The following SLC36A1 variants were observed in gnomAD, a reference collection of about 807,000 sequenced individuals.
The protein encoded by SLC36A1 is proton-coupled amino acid transporter 1.
A neutral mutation model predicts 47.5 loss-of-function variants in SLC36A1; 30 were observed. That is an observed-to-expected ratio of 0.63 (90% CI 0.47 to 0.86). SLC36A1 has a LOEUF of 0.86. SLC36A1 is among the 40% of genes least tolerant of loss of function. The pLI, the probability that SLC36A1 is intolerant of heterozygous loss-of-function variation, is 0.00. For synonymous variants in SLC36A1, 255 were observed against 249.7 expected (o/e 1.02, Z -0.20); for missense variants, 517 against 606.0 (o/e 0.85, Z 1.54).
chr5:151,522,109 T>G, the SLC36A1 span: 10 of 1,538,366 alleles, frequency 6.5e-6, no homozygotes, highest in African/African-American at 2.7e-5. Flanking sequence ...CAAACACTGC[T>G]GTCACCCAAC....
the SLC36A1 span, chr5:151,542,333 C>T: frequency 1.2e-6 from 2 of 1,613,410 alleles, no homozygotes; most frequent in Non-Finnish European, 1.7e-6. Flanking sequence ...ATGTCAGCAT[C>T]CAGGGTCTTT....
At chr5:151,542,980 A>T in the SLC36A1 span, 1 of 1,614,082 alleles carries the variant, frequency 6.2e-7, no homozygotes, top group African/African-American at 1.3e-5. Context: ...TTGAGCTGCC[A>T]CTGCTTTAAC....
rs1758130422 is a variant in SLC36A1, at chr5:151,476,864, C to T, written c.989+108C>T. ...TTATCTCTTAAACCAGCCCACTTCA[C>T]TCTAGCCCACCATCCCCTGCCACTG... On this transcript the variant is annotated intron_variant, in intron 9 of 10. Coordinates refer to ENST00000243389, the MANE Select transcript of SLC36A1 (RefSeq NM_078483.4). The T allele has an allele frequency of 3.7e-6, 5 of 1,354,750 alleles. No homozygotes were observed. The East Asian group carries it at 9.9e-5, about 27-fold the overall frequency. 83.9% of individuals were successfully genotyped at this position (1,354,750 alleles called of 1,614,324 possible).
chr5:151,545,643 C>T, the SLC36A1 span: 1 of 1,614,138 alleles, frequency 6.2e-7, no homozygotes, highest in Non-Finnish European at 8.5e-7. Context: ...TCTCATAATC[C>T]ATCTCTGATA....
chr5:151,373,309 G>C, the SLC36A1 span, among the ~76,000 whole-genome samples: 1 of 151,260 alleles, frequency 6.6e-6, no homozygotes, highest in Admixed American at 6.6e-5. Flanking sequence ...AGAGGATAAG[G>C]ACCAACACAA....
At chr5:151,448,460 CCT>C (rs950049582) in intron 1 of SLC36A1, among the ~76,000 whole-genome samples, 7 of 152,128 alleles carry the variant, frequency 4.6e-5, no homozygotes, top group African/African-American at 1.7e-4. Flanking sequence ...GGTGTGGTTC[CCT>C]GTTTGTTCAT....
intron 3 of SLC36A1, among the ~76,000 whole-genome samples, chr5:151,463,948 G>A (rs1755965051): frequency 6.6e-6 from 1 of 152,152 alleles, no homozygotes; most frequent in South Asian, 2.1e-4. Context: ...TCAATAATAT[G>A]AACTAATGAG....
At position 151,437,215 on chromosome 5, in the gene SLC36A1, G is replaced by A. The variant is rs560696388; in HGVS notation, c.-6+36G>A. ...AGGGGAGGCTCTGAGTTGGGTGGAA[G>A]CCATGAACACAATTTAGGTAGAAAG... is the stretch of plus-strand genomic sequence containing the variant. On this transcript the variant is annotated intron_variant, in intron 1 of 8. Coordinates refer to the SLC36A1 transcript ENST00000429484. 4 of 152,340 alleles carry A rather than the reference G, an allele frequency of 2.6e-5. No individual in the cohort carries two copies. In the East Asian group the frequency reaches 7.7e-4, roughly 29 times the overall value. 9.4% of individuals were successfully genotyped at this position (152,340 alleles called of 1,614,324 possible). A position where few individuals can be genotyped will look rare whatever the true frequency, so the allele number is the denominator to read the frequency against.
At chr5:151,345,566 G>A in the SLC36A1 span, among the ~76,000 whole-genome samples, 2 of 152,172 alleles carry the variant, frequency 1.3e-5, no homozygotes, top group African/African-American at 4.8e-5. Context: ...AAAGGGGGTG[G>A]AGAGTCCCTG....
At chr5:151,465,366 T>C (rs1756196477) in intron 5 of SLC36A1, among the ~76,000 whole-genome samples, 197 bp downstream of exon 5, 1 of 152,194 alleles carries the variant, frequency 6.6e-6, no homozygotes, top group African/African-American at 2.4e-5. Context: ...TGGGTTTTAG[T>C]TTTCTTATCA....
the SLC36A1 span, among the ~76,000 whole-genome samples, chr5:151,520,035 T>C: frequency 6.6e-6 from 1 of 152,208 alleles, no homozygotes; most frequent in Non-Finnish European, 1.5e-5. Flanking sequence ...TGGCTTTCCC[T>C]GAAGCAGGCC....
the SLC36A1 span, chr5:151,382,355 C>A: frequency 1.3e-6 from 1 of 786,938 alleles, no homozygotes; most frequent in Non-Finnish European, 2.2e-6. Context: ...TGGCCATGCG[C>A]CAGCTCAAAA....
chr5:151,348,620 T>C, the SLC36A1 span, among the ~76,000 whole-genome samples: 10 of 152,244 alleles, frequency 6.6e-5, no homozygotes, highest in South Asian at 2.1e-4. Context: ...AATTTTGTAT[T>C]GCTTTTTTCT....
chr5:151,510,293 T>C, the SLC36A1 span: 13 of 1,228,124 alleles, frequency 1.1e-5, no homozygotes, highest in African/African-American at 1.5e-5. Context: ...ATTTGGTTGC[T>C]CCCCTCTGTG....
the SLC36A1 span, among the ~76,000 whole-genome samples, chr5:151,385,255 A>G: frequency 1.3e-5 from 2 of 152,184 alleles, no homozygotes; most frequent in Non-Finnish European, 2.9e-5. Context: ...ATGACCCAGC[A>G]TGGACCCTCT....
Position 151,466,402 on chromosome 5 carries a change from C to T in SLC36A1, c.420-797C>T, listed in dbSNP as rs138078285. Among the ~76,000 whole-genome samples, 35 of 152,300 alleles carry T rather than the reference C, an allele frequency of 2.3e-4. 1 individual carries two copies. In the East Asian group the frequency reaches 6.0e-3, roughly 26 times the overall value. ...GCACAGATTGACCATACTATGTATA[C>T]TGTTTGGAAACTTGCTTTTTCCCCT... On this transcript the variant is annotated intron_variant, in intron 5 of 10. Transcript: ENST00000243389.
intron 3 of SLC36A1, among the ~76,000 whole-genome samples, chr5:151,464,049 T>C (rs1755974259): frequency 6.6e-6 from 1 of 152,224 alleles, no homozygotes; most frequent in Non-Finnish European, 1.5e-5. Context: ...CTTTTTGTGA[T>C]TTACCTCCAG....
the SLC36A1 span, chr5:151,542,163 T>C: frequency 1.1e-6 from 1 of 887,504 alleles, no homozygotes; most frequent in Non-Finnish European, 1.7e-6. Context: ...GGGGGTTAAG[T>C]GTGCCCAAGG....
In SLC36A1 at chr5:151,464,677, A is replaced by G. The variant is rs892467451; in HGVS notation, c.323+75A>G. The G allele has an allele frequency of 1.3e-5, 15 of 1,181,760 alleles. No homozygotes were observed. In the Middle Eastern group the frequency reaches 7.7e-4, roughly 61 times the overall value. The allele number at this position is 1,181,760 out of a possible 1,614,324, so 73.2% of individuals were successfully genotyped here. ...TCTGTTATCAACCCTGAAAATGAGC[A>G]CTGATGCAGACCACTCTCAATTCTT... On this transcript the variant is annotated intron_variant, in intron 4 of 10. Coordinates refer to ENST00000243389, the MANE Select transcript of SLC36A1 (RefSeq NM_078483.4).
Sources: gnomAD v4.1 joint callset for allele counts (sites outside exome capture counted in the v4.1 genomes callset) on GRCh38, gnomAD v4.1.1 for gene constraint, MANE v1.5 for transcripts, NCBI Gene and HGNC (gene_info 2026-07-23, HGNC 2026-07-21) for gene names.